Variants in TRIM35 observed in about 807,000 individuals in gnomAD.
The protein encoded by TRIM35 is tripartite motif containing 35, also known as E3 ubiquitin-protein ligase TRIM35.
A neutral mutation model predicts 49.1 loss-of-function variants in TRIM35; 37 were observed. The observed-to-expected ratio is 0.75, with a 90% CI of 0.58 to 0.99. The LOEUF (loss-of-function observed/expected upper bound fraction) is 0.99. TRIM35 is among the 50% of genes least tolerant of loss of function. TRIM35 has a pLI of 0.00. For missense variants in TRIM35, 648 were observed against 702.7 expected, an observed-to-expected ratio of 0.92 and a Z score of 0.88; for synonymous variants, 302 against 289.3, an observed-to-expected ratio of 1.04 and a Z score of -0.45.
chr8:27,298,676 T>A (rs1802622786), intron 1 of TRIM35, 117 bp from the exon 2 acceptor site: 2 of 815,802 alleles, frequency 2.5e-6, no homozygotes, highest in Non-Finnish European at 4.2e-6. Context: ...GTAACTCAAC[T>A]GCATTTGCCT....
intron 1 of TRIM35, among the ~76,000 whole-genome samples, chr8:27,305,757 G>A (rs1802770981): frequency 6.6e-6 from 1 of 152,210 alleles, no homozygotes; most frequent in African/African-American, 2.4e-5. Context: ...AGGCAGCTCA[G>A]CACAGGGCTG....
Position 27,311,169 on chromosome 8 carries a change from C to T in TRIM35, c.67G>A (p.Val23Ile). The change falls in exon 1 of 6, where the codon GTC becomes ATC. Residue 23 changes from valine (V) to isoleucine (I), a missense_variant. Physicochemically the swap from Val to Ile is conservative, Grantham distance 29. Coordinates refer to ENST00000305364, the MANE Select transcript of TRIM35 (RefSeq NM_171982.5). ...GCGTCGCGGAAGGGGTCGTAGCAGA[C>T]GGCGCAGAGCAACTCCTCCTTGAAG... ...RSFKEELLCA[V>I]CYDPFRDAVT... 1 of 1,606,782 alleles carries T rather than the reference C, an allele frequency of 6.2e-7. No homozygotes were observed. The highest frequency in any genetic ancestry group is 8.5e-7 in the Non-Finnish European group (1 of 1,177,540).
chr8:27,291,837 A>G (rs536773285), intron 3 of TRIM35, among the ~76,000 whole-genome samples: 3 of 152,214 alleles, frequency 2.0e-5, no homozygotes, highest in Non-Finnish European at 2.9e-5. Flanking sequence ...GAGACTACAC[A>G]TAAGACCAAG....
intron 1 of TRIM35, among the ~76,000 whole-genome samples, chr8:27,305,233 G>A (rs1416827904): frequency 6.6e-6 from 1 of 152,198 alleles, no homozygotes; most frequent in Non-Finnish European, 1.5e-5. Context: ...ATATGGTCCA[G>A]GTTTCTTAAA....
Position 27,287,754 on chromosome 8 carries a change from G to A in TRIM35, c.1278C>T (p.Arg426=). The change falls in exon 6 of 6, where the codon CGC becomes CGT. Residue 426 remains arginine, a synonymous_variant. Coordinates refer to ENST00000305364, the MANE Select transcript of TRIM35 (RefSeq NM_171982.5). This position sits in a 1 kb window ranked among gnomAD's most constrained non-coding sequence, Gnocchi z 6.0. ...ATSPLVLAIP[R]RLRVELECEE... The stretch of plus-strand genomic sequence containing the variant: ...CACACTCCAGCTCCACACGCAGGCG[G>A]CGTGGGATGGCCAGGACCAGGGGCG... The A allele has an allele frequency of 2.5e-6, 4 of 1,610,348 alleles. No individual in the cohort carries two copies. The highest frequency in any genetic ancestry group is 1.1e-5 in the South Asian group (1 of 90,320).
intron 1 of TRIM35, among the ~76,000 whole-genome samples, chr8:27,301,567 A>T (rs78730654): frequency 6.6e-6 from 1 of 152,108 alleles, no homozygotes; most frequent in African/African-American, 2.4e-5. Context: ...CATTTTCCTA[A>T]CTGGTTTGTG....
rs1177883137 is a variant in TRIM35, at chr8:27,302,269, G to A, written c.436-3710C>T. 3.3e-5 allele frequency among the ~76,000 whole-genome samples: 5 copies of A among 152,096 alleles called. No individual in the cohort carries two copies. The South Asian group carries it at 6.2e-4, about 19-fold the overall frequency. ...TTAAATACTGACTTTACTAATCCAC[G>A]AACATAATATATCACACCAGTTACT... On this transcript the variant is annotated intron_variant, in intron 1 of 5. Coordinates refer to ENST00000305364, the MANE Select transcript of TRIM35 (RefSeq NM_171982.5).
At position 27,311,059 on chromosome 8, in the gene TRIM35, C is replaced by A; in HGVS notation, c.177G>T (p.Val59=). The A allele has an allele frequency of 6.3e-7, 1 of 1,598,066 alleles. No homozygotes were observed. The highest frequency in any genetic ancestry group is 2.3e-5 in the East Asian group (1 of 44,110). Residue 59 remains valine, a synonymous_variant, in exon 1 of 6, where the codon GTG becomes GTT. Coordinates refer to ENST00000305364, the MANE Select transcript of TRIM35 (RefSeq NM_171982.5). ...CGGCGGGTGACGCGCGGTCTTTGCA[C>A]ACTGGGCAGGTGGGCGACACCTGCA... ...WEVQVSPTCP[V]CKDRASPADL...
intron 1 of TRIM35, among the ~76,000 whole-genome samples, chr8:27,309,995 A>C (rs1385071803): frequency 1.3e-5 from 2 of 152,052 alleles, no homozygotes; most frequent in Non-Finnish European, 2.9e-5. Flanking sequence ...AAAAAAAAAA[A>C]AACAAAGGGA....
intron 1 of TRIM35, among the ~76,000 whole-genome samples, chr8:27,307,691 T>G (rs1802815620): frequency 1.3e-5 from 2 of 152,238 alleles, no homozygotes; most frequent in South Asian, 4.1e-4. Flanking sequence ...GAGAGAAACC[T>G]CTCTCAAAGT....
intron 2 of TRIM35, among the ~76,000 whole-genome samples, chr8:27,296,481 G>C (rs10102405): frequency 0.02 from 2,985 of 152,282 alleles, 33 homozygotes; most frequent in Middle Eastern, 0.041. Context: ...CCTGATAACT[G>C]AATTTAATAG....
At chr8:27,298,665 T>C (rs1159603278) in intron 1 of TRIM35, 106 bp from the exon 2 acceptor site, 9 of 914,316 alleles carry the variant, frequency 9.8e-6, no homozygotes, top group Non-Finnish European at 1.6e-5. Context: ...TCAACACAAG[T>C]GTAACTCAAC....
Position 27,298,564 on chromosome 8 carries a change from C to T in TRIM35, c.436-5G>A. ...CTCCATGTTCCTGCACTTGGCCTGA[C>T]ATGGGAATGAGAGAGAGGGAGGAAG... On this transcript the variant is annotated splice_region_variant and splice_polypyrimidine_tract_variant and intron_variant, in intron 1 of 5. Transcript: ENST00000305364. 6.2e-7 allele frequency: 1 copy of T among 1,613,740 alleles called. No individual in the cohort carries two copies. The highest frequency in any genetic ancestry group is 8.5e-7 in the Non-Finnish European group (1 of 1,179,648).
In TRIM35 at chr8:27,287,876, G is replaced by A. The variant is rs1376230527; in HGVS notation, c.1156C>T (p.His386Tyr). 11 of 1,613,218 alleles carry A rather than the reference G, an allele frequency of 6.8e-6. No individual in the cohort carries two copies. The highest frequency in any genetic ancestry group is 9.3e-6 in the Non-Finnish European group (11 of 1,179,852). ...RQDSGAEGHSHSCYHDTRSGF... is the reference protein window; with the variant it reads ...RQDSGAEGHSYSCYHDTRSGF... ...GAGCGTGTGTCGTGGTAGCAGCTGT[G>A]TGAGTGGCCCTCAGCGCCCGAGTCC... The change falls in exon 6 of 6, where the codon CAC (histidine) becomes TAC (tyrosine). Residue 386 changes from histidine (H) to tyrosine (Y), a missense_variant. Physicochemically the swap from His to Tyr is moderately conservative, Grantham distance 83 (BLOSUM62 2). Transcript: ENST00000305364. The surrounding 1 kb of genome is among the most constrained non-coding windows in gnomAD (Gnocchi z 6.0).
rs1261061726 is a variant in TRIM35, at chr8:27,287,631, C to A, written c.1401G>T (p.Gly467=). 3.7e-6 allele frequency: 6 copies of A among 1,608,922 alleles called. No individual in the cohort carries two copies. The highest frequency in any genetic ancestry group is 4.2e-6 in the Non-Finnish European group (5 of 1,177,800). Residue 467 remains glycine, a synonymous_variant, in exon 6 of 6, where the codon GGG becomes GGT. Coordinates refer to ENST00000305364, the MANE Select transcript of TRIM35 (RefSeq NM_171982.5). The surrounding 1 kb of genome is among the most constrained non-coding windows in gnomAD (Gnocchi z 6.0). ...CTGGAGGCCCGGCGCCCCGTGCACC[C>A]CCCAGGTAGAAGTAGGGGCGAACCT... ...FGEVRPYFYL[G]GARGAGPPEP...
At chr8:27,291,735 G>A (rs934404218) in intron 3 of TRIM35, among the ~76,000 whole-genome samples, 11 of 152,274 alleles carry the variant, frequency 7.2e-5, no homozygotes, top group African/African-American at 2.4e-4. Context: ...TTTCACTCGT[G>A]GTTCTGAAGC....
chr8:27,294,423 A>T, intron 2 of TRIM35, 113 bp from the exon 3 acceptor site: 1 of 961,030 alleles, frequency 1.0e-6, no homozygotes, highest in South Asian at 1.7e-5. Flanking sequence ...TCATGTATAG[A>T]ACCCCTACAG....
At chr8:27,290,010 C>G (rs1366319693) in intron 4 of TRIM35, 146 bp downstream of exon 4, 2 of 900,332 alleles carry the variant, frequency 2.2e-6, no homozygotes, top group Non-Finnish European at 3.5e-6. Context: ...CATTGTCCAC[C>G]TCTCCCTCTA....
chr8:27,306,839 A>ACT (rs1439299659), intron 1 of TRIM35, among the ~76,000 whole-genome samples: 3 of 152,228 alleles, frequency 2.0e-5, no homozygotes, highest in African/African-American at 7.2e-5. Context: ...AATCAGAAGT[A>ACT]TCTTGGCCAG....
Sources: allele counts gnomAD v4.1 joint callset (sites outside exome capture counted in the v4.1 genomes callset), GRCh38; gene constraint gnomAD v4.1.1; non-coding constraint Gnocchi (gnomAD v3.1); transcripts MANE v1.5; gene names NCBI Gene and HGNC (gene_info 2026-07-23, HGNC 2026-07-21).